AMZ1: variants seen among roughly 807,000 people sequenced by gnomAD.
AMZ1 encodes the protein archaelysin family metallopeptidase 1, also known as archaemetzincin-1.
AMZ1 carries 39 observed loss-of-function variants against 29.9 expected under a neutral mutation model. The observed-to-expected ratio is 1.30, with a 90% confidence interval of 1.01 to 1.70. AMZ1 has a LOEUF of 1.70. Ranked by LOEUF, AMZ1 falls within the 40% of genes most tolerant of loss-of-function variation. AMZ1 has a pLI of 0.00. For synonymous variants in AMZ1, 458 were observed against 304.0 expected (o/e 1.51, Z -5.27); for missense variants, 1,041 against 680.6 (o/e 1.53, Z -5.89).
intron 4 of AMZ1, among the ~76,000 whole-genome samples, chr7:2,754,805 G>A (rs974692047): frequency 2.6e-5 from 4 of 152,112 alleles, no homozygotes; most frequent in South Asian, 2.1e-4. Context: ...AAAAATGACC[G>A]TTTCTCAAAA....
intron 5 of AMZ1, among the ~76,000 whole-genome samples, 156 bp downstream of exon 5, chr7:2,709,400 G>A (rs1788600318): frequency 6.6e-6 from 1 of 152,160 alleles, no homozygotes; most frequent in Admixed American, 6.5e-5. Context: ...CTATGAAGCA[G>A]CAGGGGAGGG....
chr7:2,698,599 G>A (rs1476075543), intron 1 of AMZ1, among the ~76,000 whole-genome samples: 1 of 152,054 alleles, frequency 6.6e-6, no homozygotes. Flanking sequence ...CACTTTGGGA[G>A]GTTGAGGAGA....
At chr7:2,711,406 G>A (rs7803527) in intron 6 of AMZ1, among the ~76,000 whole-genome samples, 1 of 152,104 alleles carries the variant, frequency 6.6e-6, no homozygotes, top group Non-Finnish European at 1.5e-5. Context: ...ACAGTCTCAC[G>A]ATGGCTGATG....
In AMZ1 at chr7:2,700,591, C is replaced by G; in HGVS notation, c.140C>G (p.Ala47Gly). The G allele has an allele frequency of 6.2e-7, 1 of 1,610,360 alleles. No homozygotes were observed. Among genetic ancestry groups the G allele is most frequent in the East Asian group, 2.2e-5 (1 of 44,896 alleles). ...SPAERLFLAE[A>G]YNPQRTLFCT... ...GCCGAGCGGCTCTTCCTGGCCGAGGCCTACAACCCGCAGAGGACGCTCTTC... is the reference window on the plus strand; with the variant it reads ...GCCGAGCGGCTCTTCCTGGCCGAGGGCTACAACCCGCAGAGGACGCTCTTC... Residue 47 changes from alanine to glycine, a missense_variant, in exon 2 of 7, where the codon GCC becomes GGC. Coordinates refer to ENST00000683327, the MANE Select transcript of AMZ1 (RefSeq NM_001384743.1).
intron 4 of AMZ1, among the ~76,000 whole-genome samples, chr7:2,750,707 G>T (rs558878712): frequency 9.2e-5 from 14 of 152,322 alleles, no homozygotes; most frequent in African/African-American, 3.4e-4. Context: ...GGGACTATTG[G>T]ACAGGCATGT....
chr7:2,700,509 G>T lies in AMZ1; in HGVS notation c.58G>T (p.Ala20Ser). 6.2e-7 allele frequency: 1 copy of T among 1,606,478 alleles called. No homozygotes were observed. The change falls in exon 2 of 7, where the codon GCT becomes TCT. Residue 20 changes from alanine to serine, a missense_variant. By Grantham distance (99) the Ala-to-Ser change is moderately conservative. Transcript: ENST00000683327. ...FSFGPRALKDALVSTDAALQQ... is the reference protein window; with the variant it reads ...FSFGPRALKDSLVSTDAALQQ... The stretch of plus-strand genomic sequence containing the variant: ...CTTCGGGCCCCGGGCCTTGAAGGAC[G>T]CTCTGGTCTCCACTGACGCAGCCCT...
intron 3 of AMZ1, among the ~76,000 whole-genome samples, chr7:2,704,897 A>G (rs896321682): frequency 2.6e-4 from 39 of 152,212 alleles, no homozygotes; most frequent in South Asian, 4.2e-4. Context: ...CGCCCGGCCC[A>G]GTGTCACATT....
upstream of AMZ1, among the ~76,000 whole-genome samples, chr7:2,764,066 G>A (rs1258868392): frequency 6.6e-6 from 1 of 151,996 alleles, no homozygotes; most frequent in Non-Finnish European, 1.5e-5. Flanking sequence ...GATTGGTTGA[G>A]TATTTTTTAT....
chr7:2,689,738 G>T (rs1250346524), intron 1 of AMZ1, among the ~76,000 whole-genome samples: 2 of 152,226 alleles, frequency 1.3e-5, no homozygotes, highest in East Asian at 3.8e-4. Context: ...TGTCATGACT[G>T]CAGTTAGCAG....
chr7:2,737,973 C>T (rs1259072766), intron 4 of AMZ1, among the ~76,000 whole-genome samples: 2 of 152,150 alleles, frequency 1.3e-5, no homozygotes, highest in African/African-American at 4.8e-5. Flanking sequence ...TGTGACATCT[C>T]ACAGGGCTGG....
At chr7:2,739,188 T>C (rs546781167) in intron 4 of AMZ1, among the ~76,000 whole-genome samples, 25 of 152,356 alleles carry the variant, frequency 1.6e-4, no homozygotes, top group African/African-American at 6.0e-4. Flanking sequence ...ATCTACATAA[T>C]AGAAAATTCA....
At chr7:2,733,366 G>T in intron 4 of AMZ1, 2 of 1,110,152 alleles carry the variant, frequency 1.8e-6, no homozygotes, top group Non-Finnish European at 1.3e-6. Context: ...TCCAGCCAAA[G>T]TCCTCACAAC....
At chr7:2,753,831 T>G (rs1469191066) in intron 4 of AMZ1, among the ~76,000 whole-genome samples, 1 of 152,206 alleles carries the variant, frequency 6.6e-6, no homozygotes, top group African/African-American at 2.4e-5. Context: ...GGGATATCTT[T>G]TTCTTCTGGG....
rs1788519089 is a variant in AMZ1 at position 2,708,612 on chromosome 7, A to G, written c.497A>G (p.Asn166Ser). The G allele has an allele frequency of 6.2e-7, 1 of 1,612,888 alleles. No individual in the cohort carries two copies. ...HTDGILSFLK[N>S]NKPGDALCVL... is the part of the protein sequence containing the mutation. Reference sequence around the variant, plus strand: ...GACGGCATCCTGTCCTTCTTGAAGAACAACAAGCCAGGGGACGCGCTGTGT... The same window carrying G: ...GACGGCATCCTGTCCTTCTTGAAGAGCAACAAGCCAGGGGACGCGCTGTGT... The change falls in exon 4 of 7, where the codon AAC (asparagine) becomes AGC (serine). Residue 166 changes from asparagine (N) to serine (S), a missense_variant. Physicochemically the swap from Asn to Ser is conservative, Grantham distance 46 (BLOSUM62 1). Coordinates refer to ENST00000683327, the MANE Select transcript of AMZ1 (RefSeq NM_001384743.1).
rs369996661 is a variant in AMZ1 at position 2,717,312 on chromosome 7, T to C, written c.*4434T>C. The stretch of plus-strand genomic sequence containing the variant: ...AATCAGGGCTTCGCGACGGGGCTCA[T>C]AGACCTGAACTGGGTCTGCCTGCCT... On this transcript the variant is annotated 3_prime_UTR_variant, in exon 7 of 7. Coordinates refer to ENST00000683327, the MANE Select transcript of AMZ1 (RefSeq NM_001384743.1). Among the ~76,000 whole-genome samples the C allele has an allele frequency of 1.3e-5, 2 of 149,528 alleles. No individual in the cohort carries two copies. Among genetic ancestry groups the C allele is most frequent in the Admixed American group, 1.3e-4 (2 of 15,156 alleles).
rs147511646 is a variant in AMZ1 at position 2,734,027 on chromosome 7, G to C, written n.550+24211G>C. Among the ~76,000 whole-genome samples, 64 of 152,310 alleles carry C rather than the reference G, an allele frequency of 4.2e-4. No individual in the cohort carries two copies. The East Asian group carries it at 0.011, about 26-fold the overall frequency. Reference sequence around the variant, plus strand: ...CCATTATTCCTTCCCACATTTTTATGACCTGATTTATAGTAGCAAACACAG... The same window carrying C: ...CCATTATTCCTTCCCACATTTTTATCACCTGATTTATAGTAGCAAACACAG... On this transcript the variant is annotated intron_variant and non_coding_transcript_variant, in intron 4 of 4. Transcript: ENST00000489665.
chr7:2,750,894 G>C (rs569758938), intron 4 of AMZ1, among the ~76,000 whole-genome samples: 2 of 152,178 alleles, frequency 1.3e-5, no homozygotes, highest in African/African-American at 4.8e-5. Flanking sequence ...ATGAGGGTGC[G>C]AATGGAAAGG....
chr7:2,687,252 C>T (rs780004050), upstream of AMZ1, among the ~76,000 whole-genome samples: 4 of 151,924 alleles, frequency 2.6e-5, no homozygotes, highest in Admixed American at 1.3e-4. Flanking sequence ...ACTTGAACCC[C>T]GGAGGTGGAG....
Position 2,709,682 on chromosome 7 carries a change from T to C in AMZ1, c.814T>C (p.Cys272Arg). Reference sequence around the variant, plus strand: ...CTGCCACCTTCTGGGCCTGGGGAACTGCCGCTGGCTCCGCTGCCTCATGCA... The same window carrying C: ...CTGCCACCTTCTGGGCCTGGGGAACCGCCGCTGGCTCCGCTGCCTCATGCA... ...ELCHLLGLGN[C>R]RWLRCLMQGA... The change falls in exon 6 of 7, where the codon TGC becomes CGC. Residue 272 changes from cysteine to arginine, a missense_variant. Physicochemically the swap from Cys to Arg is radical, Grantham distance 180 (BLOSUM62 -3). Transcript: ENST00000683327. 6.2e-7 allele frequency: 1 copy of C among 1,610,730 alleles called. No homozygotes were observed. Among genetic ancestry groups the C allele is most frequent in the Non-Finnish European group, 8.5e-7 (1 of 1,179,682 alleles).
Sources: allele counts gnomAD v4.1 joint callset (sites outside exome capture counted in the v4.1 genomes callset), GRCh38; gene constraint gnomAD v4.1.1; transcripts MANE v1.5; gene names NCBI Gene and HGNC (gene_info 2026-07-23, HGNC 2026-07-21).